The following LRRC27 variants were observed in gnomAD, a reference collection of about 807,000 sequenced individuals.
LRRC27 encodes the protein leucine rich repeat containing 27, also known as leucine-rich repeat-containing protein 27.
In LRRC27, 57 loss-of-function variants were observed where a neutral mutation model predicts 55.0. The ratio of observed to expected loss-of-function variants is 1.04; its 90% confidence interval spans 0.84 to 1.29. The LOEUF is 1.29. Among genes scored for constraint, LRRC27 ranks in the 50% most tolerant of loss-of-function variants. The pLI, the probability that LRRC27 is intolerant of heterozygous loss-of-function variation, is 0.00. For missense variants in LRRC27, 721 were observed against 651.5 expected (o/e 1.11, Z -1.16); for synonymous variants, 278 against 251.9 (o/e 1.10, Z -0.98).
At chr10:132,336,916 T>C (rs1440977664) in intron 2 of LRRC27, 7 of 654,550 alleles carry the variant, frequency 1.1e-5, no homozygotes, top group Non-Finnish European at 1.6e-5. Context: ...ATTGTGTGAA[T>C]GTTATATGCA....
chr10:132,338,710 C>CTT (rs928264937), intron 3 of LRRC27, among the ~76,000 whole-genome samples: 158 of 140,016 alleles, frequency 1.1e-3, no homozygotes, highest in African/African-American at 3.7e-3. Flanking sequence ...TTCTTTCTTT[C>CTT]TTTTTTTTTT....
chr10:132,343,334 A>G (rs971441331), intron 4 of LRRC27, among the ~76,000 whole-genome samples: 3 of 152,144 alleles, frequency 2.0e-5, no homozygotes, highest in Admixed American at 6.5e-5. Context: ...AACAACAACA[A>G]CAACAAAAAA....
chr10:132,346,223 G>A (rs762941571), intron 5 of LRRC27, among the ~76,000 whole-genome samples: 5 of 152,196 alleles, frequency 3.3e-5, no homozygotes, highest in Non-Finnish European at 1.5e-5. Flanking sequence ...ACTTCTCAGC[G>A]GTGTTATTGC....
intron 7 of LRRC27, among the ~76,000 whole-genome samples, chr10:132,353,820 G>GC (rs934553618): frequency 1.3e-5 from 2 of 152,238 alleles, no homozygotes; most frequent in African/African-American, 4.8e-5. Flanking sequence ...TGCGAGGTGA[G>GC]CCCCCCAGGA....
At chr10:132,364,379 A>ACACTCG (rs1564852946) in intron 9 of LRRC27, among the ~76,000 whole-genome samples, 3 of 46,738 alleles carry the variant, frequency 6.4e-5, no homozygotes, top group African/African-American at 2.7e-4. Flanking sequence ...ACACCCACCC[A>ACACTCG]CACTTACACC....
intron 7 of LRRC27, among the ~76,000 whole-genome samples, chr10:132,352,606 T>G (rs1390175210): frequency 1.7e-5 from 2 of 114,638 alleles, no homozygotes; most frequent in Non-Finnish European, 3.5e-5. Context: ...GAGGCCTCCG[T>G]GTGGGGCAGG....
Position 132,348,957 on chromosome 10 carries a change from AC to A in LRRC27, c.926+604del. On this transcript the variant is annotated intron_variant, in intron 6 of 10. Transcript: ENST00000368614. This position sits in a 1 kb window ranked among gnomAD's most constrained non-coding sequence, Gnocchi z 4.2. The stretch of plus-strand genomic sequence containing the variant: ...GGCCGAGATTTTATTTTCCTTTCAC[AC>A]CCAGGACAAGGGTCCCTAGGAAACA... The A allele has an allele frequency of 6.3e-7, 1 of 1,595,678 alleles. No homozygotes were observed. Among genetic ancestry groups the A allele is most frequent in the Non-Finnish European group, 8.5e-7 (1 of 1,169,620 alleles).
At chr10:132,363,599 G>T (rs575646535) in intron 9 of LRRC27, among the ~76,000 whole-genome samples, 50 of 152,300 alleles carry the variant, frequency 3.3e-4, no homozygotes, top group African/African-American at 1.1e-3. Context: ...CGGTGCCCCC[G>T]TGCTTTCCTG....
chr10:132,352,752 C>T (rs1227750378), intron 7 of LRRC27: 6 of 967,002 alleles, frequency 6.2e-6, no homozygotes, highest in Admixed American at 4.2e-5. Flanking sequence ...TTTGCAGCCC[C>T]GAGGCCTCCC....
chr10:132,359,740 G>C (rs1333241436), intron 8 of LRRC27, among the ~76,000 whole-genome samples: 1 of 152,262 alleles, frequency 6.6e-6, no homozygotes, highest in East Asian at 1.9e-4. Context: ...GCCTGGGTCT[G>C]TCACCTGCTT....
intron 5 of LRRC27, 133 bp from the exon 6 acceptor site, chr10:132,347,851 G>A: frequency 8.8e-7 from 1 of 1,133,532 alleles, no homozygotes; most frequent in Non-Finnish European, 1.3e-6. Flanking sequence ...TGTTTGGATT[G>A]ACAGGGAACG....
Position 132,342,251 on chromosome 10 carries a change from A to G in LRRC27, c.380A>G (p.Lys127Arg), listed in dbSNP as rs1300227157. Residue 127 changes from lysine (K) to arginine (R), a missense_variant, in exon 4 of 11, where the codon AAA (lysine) becomes AGA (arginine). Coordinates refer to ENST00000368614, the MANE Select transcript of LRRC27 (RefSeq NM_030626.3). ...KTLLLERNPI[K>R]MLPVELGSVT... is the part of the protein sequence containing the mutation. ...TTGCTTTTAGAAAGAAATCCTATCA[A>G]AATGTTACCTGTGGAGCTGGGTAAG... The G allele has an allele frequency of 1.3e-6, 2 of 1,554,680 alleles. No homozygotes were observed. The highest frequency in any genetic ancestry group is 1.7e-6 in the Non-Finnish European group (2 of 1,148,624).
In LRRC27 at chr10:132,348,903, G is replaced by A. The variant is rs2132907554; in HGVS notation, c.926+547G>A. ...ATTGTGTGGCCCACTTCCAAAGCTT[G>A]CCTTTGCCTTTGGTACAGTGAGTTT... On this transcript the variant is annotated intron_variant, in intron 6 of 10. Transcript: ENST00000368614. This position sits in a 1 kb window ranked among gnomAD's most constrained non-coding sequence, Gnocchi z 4.2. The A allele has an allele frequency of 1.4e-5, 18 of 1,248,462 alleles. No individual in the cohort carries two copies. The South Asian group carries it at 2.3e-4, about 16-fold the overall frequency. 77.3% of individuals were successfully genotyped at this position (1,248,462 alleles called of 1,614,324 possible).
rs144502940 is a variant in LRRC27 at position 132,337,064 on chromosome 10, G to A, written c.211-501G>A. On this transcript the variant is annotated intron_variant, in intron 2 of 10. Coordinates refer to ENST00000368614, the MANE Select transcript of LRRC27 (RefSeq NM_030626.3). ...GCTGAGGCTTTGTTTGCTGCTGATC[G>A]TAGAGAACACCACGGCAGACATCTC... 4.2e-4 allele frequency: 549 copies of A among 1,294,932 alleles called. 1 individual carries two copies. In the African/African-American group the frequency reaches 6.9e-3, roughly 16 times the overall value. The allele number at this position is 1,294,932 out of a possible 1,614,324, so 80.2% of individuals were successfully genotyped here. A position where few individuals can be genotyped will look rare whatever the true frequency, so the allele number is the denominator to read the frequency against.
At chr10:132,340,461 G>A (rs1010637) in intron 3 of LRRC27, among the ~76,000 whole-genome samples, 23,173 of 152,112 alleles carry the variant, frequency 0.15, 2,182 homozygotes, top group Non-Finnish European at 0.23. Flanking sequence ...TGGAGAAGCC[G>A]AGAGCGTGGT....
intron 6 of LRRC27, among the ~76,000 whole-genome samples, chr10:132,349,227 G>A (rs571496764): frequency 1.3e-5 from 2 of 152,336 alleles, no homozygotes; most frequent in Admixed American, 1.3e-4. Flanking sequence ...TCCTGGGGGT[G>A]AAGATTCTTG....
intron 10 of LRRC27, among the ~76,000 whole-genome samples, chr10:132,373,946 G>A (rs1018028456): frequency 1.3e-5 from 2 of 152,186 alleles, no homozygotes; most frequent in African/African-American, 4.8e-5. Flanking sequence ...AGCAAAATTC[G>A]TTATCAATGA....
In LRRC27 at chr10:132,351,683, CTG is replaced by C; in HGVS notation, c.1004_1005del (p.Leu335ArgfsTer69). ...PYQMAIRAKR[L>X]EESRAAALRE... The stretch of plus-strand genomic sequence containing the variant: ...CCAAATGGCGATCCGAGCAAAAAGA[CTG>C]GAAGAGAGCCGAGCGGCGGCGCTCC... On this transcript the variant is annotated frameshift_variant, in exon 7 of 11. Coordinates refer to ENST00000368614, the MANE Select transcript of LRRC27 (RefSeq NM_030626.3). LOFTEE classifies it high-confidence loss of function. 4.3e-6 allele frequency: 7 copies of C among 1,614,080 alleles called. No individual in the cohort carries two copies. The highest frequency in any genetic ancestry group is 5.9e-6 in the Non-Finnish European group (7 of 1,180,028).
At chr10:132,371,849 T>C (rs1298740027) in intron 10 of LRRC27, among the ~76,000 whole-genome samples, 3 of 152,190 alleles carry the variant, frequency 2.0e-5, no homozygotes, top group South Asian at 4.1e-4. Context: ...GCAGAGCCAG[T>C]GTGCAGGAGT....
Sources: allele counts gnomAD v4.1 joint callset (sites outside exome capture counted in the v4.1 genomes callset), GRCh38; gene constraint gnomAD v4.1.1; non-coding constraint Gnocchi (gnomAD v3.1); transcripts MANE v1.5; gene names NCBI Gene and HGNC (gene_info 2026-07-23, HGNC 2026-07-21).